TMTC2: variants seen among roughly 807,000 people sequenced by gnomAD.
TMTC2 encodes transmembrane O-mannosyltransferase targeting cadherins 2, also known as protein O-mannosyl-transferase TMTC2.
In TMTC2, 43 loss-of-function variants were observed where a neutral mutation model predicts 82.4. The ratio of observed to expected loss-of-function variants is 0.52; its 90% CI spans 0.41 to 0.67. TMTC2 has a LOEUF of 0.67. Ranked by LOEUF, TMTC2 falls within the 30% of genes least tolerant of loss-of-function variation. The probability of loss-of-function intolerance (pLI) is 0.00; values close to 1 mark genes in which losing one functional copy is unlikely to be tolerated. For missense variants in TMTC2, 919 were observed against 1,012.4 expected (o/e 0.91, Z 1.25); for synonymous variants, 408 against 381.9 (o/e 1.07, Z -0.80).
intron 9 of TMTC2, among the ~76,000 whole-genome samples, chr12:83,041,481 G>A (rs10466961): frequency 0.095 from 14,426 of 151,990 alleles, 1,728 homozygotes; most frequent in African/African-American, 0.27. Flanking sequence ...GTGACAATGG[G>A]CATTTATTAT....
At chr12:82,730,334 CACTCCCTATCTTATATAAAAA>C (rs1487546103) in intron 1 of TMTC2, among the ~76,000 whole-genome samples, 1 of 149,692 alleles carries the variant, frequency 6.7e-6, no homozygotes, top group Non-Finnish European at 1.5e-5. Flanking sequence ...CTACCTCATC[CACTCCCTATCTTATATAAAAA>C]ACAACCACTT....
chr12:82,947,245 C>A (rs1353512130), intron 4 of TMTC2, among the ~76,000 whole-genome samples: 1 of 152,122 alleles, frequency 6.6e-6, no homozygotes, highest in East Asian at 1.9e-4. Context: ...TCTTCAAAGA[C>A]CAACTTTAGT....
chr12:83,070,199 T>C lies in TMTC2; in HGVS notation c.2331+8368T>C, dbSNP rs561236774. Among the ~76,000 whole-genome samples, 4 of 152,286 alleles carry C rather than the reference T, an allele frequency of 2.6e-5. No individual in the cohort carries two copies. In the South Asian group the frequency reaches 6.2e-4, roughly 24 times the overall value. On this transcript the variant is annotated intron_variant, in intron 11 of 11. Transcript: ENST00000321196. ...TTTTGGTTCCCTATGAATTTTAGAATTGTTTATTTCTAATTCTGTGAAGAA... is the reference window on the plus strand; with the variant it reads ...TTTTGGTTCCCTATGAATTTTAGAACTGTTTATTTCTAATTCTGTGAAGAA...
intron 1 of TMTC2, among the ~76,000 whole-genome samples, chr12:82,697,721 T>C (rs1872878686): frequency 6.6e-6 from 1 of 152,230 alleles, no homozygotes; most frequent in Admixed American, 6.5e-5. Flanking sequence ...CTTTGTAAGA[T>C]GACTGTGGGG....
At chr12:83,069,450 A>G (rs1331504730) in intron 11 of TMTC2, among the ~76,000 whole-genome samples, 1 of 152,146 alleles carries the variant, frequency 6.6e-6, no homozygotes, top group African/African-American at 2.4e-5. Flanking sequence ...ATCATTAATG[A>G]TGTTGAGCAT....
chr12:83,013,219 A>G (rs558053445), intron 8 of TMTC2, among the ~76,000 whole-genome samples: 2 of 152,272 alleles, frequency 1.3e-5, no homozygotes, highest in Admixed American at 6.5e-5. Context: ...TTTAATAATG[A>G]TATTGTAGAT....
intron 2 of TMTC2, among the ~76,000 whole-genome samples, chr12:82,882,154 T>C (rs866496866): frequency 1.1e-4 from 17 of 149,722 alleles, no homozygotes; most frequent in South Asian, 4.2e-4. Flanking sequence ...CGCCCGCCAC[T>C]ACGCCCAGCT....
At chr12:82,842,844 A>G (rs1411265765) in intron 1 of TMTC2, among the ~76,000 whole-genome samples, 2 of 152,084 alleles carry the variant, frequency 1.3e-5, no homozygotes, top group Non-Finnish European at 2.9e-5. Flanking sequence ...TTTCTTGGAC[A>G]CCAGTCATGT....
chr12:82,950,594 C>T (rs1160778814), intron 4 of TMTC2, among the ~76,000 whole-genome samples: 2 of 152,110 alleles, frequency 1.3e-5, no homozygotes, highest in Non-Finnish European at 2.9e-5. Context: ...AGTTGTAAAG[C>T]GTCTTATTCA....
At chr12:82,882,369 CTA>C (rs959640279) in intron 2 of TMTC2, among the ~76,000 whole-genome samples, 6 of 152,154 alleles carry the variant, frequency 3.9e-5, no homozygotes, top group African/African-American at 1.4e-4. Flanking sequence ...ACATATCTTT[CTA>C]TATCAAAGGG....
At chr12:83,057,390 A>T (rs930210611) in intron 10 of TMTC2, among the ~76,000 whole-genome samples, 1 of 151,906 alleles carries the variant, frequency 6.6e-6, no homozygotes, top group African/African-American at 2.4e-5. Flanking sequence ...AGCCATTTTC[A>T]GTGTCTTGAC....
chr12:82,891,701 T>A (rs1356068839), intron 2 of TMTC2, among the ~76,000 whole-genome samples: 24 of 152,000 alleles, frequency 1.6e-4, no homozygotes, highest in South Asian at 6.2e-4. Context: ...TTTTAATTTT[T>A]ATTTTTATTT....
chr12:82,922,072 A>C (rs1468723389), intron 3 of TMTC2, among the ~76,000 whole-genome samples: 1 of 151,936 alleles, frequency 6.6e-6, no homozygotes, highest in Non-Finnish European at 1.5e-5. Flanking sequence ...ATGCCACTGC[A>C]CTCCAGCCTG....
At chr12:82,791,566 C>T (rs1469907811) in intron 1 of TMTC2, among the ~76,000 whole-genome samples, 1 of 152,118 alleles carries the variant, frequency 6.6e-6, no homozygotes, top group African/African-American at 2.4e-5. Context: ...AACTCCACTG[C>T]AAGATAACTT....
chr12:82,690,038 C>T (rs1348771663), intron 1 of TMTC2, among the ~76,000 whole-genome samples: 1 of 152,166 alleles, frequency 6.6e-6, no homozygotes, highest in African/African-American at 2.4e-5. Context: ...AATTATGAGA[C>T]ACATAAATAG....
chr12:82,995,240 A>C (rs1879565517), intron 8 of TMTC2, among the ~76,000 whole-genome samples: 1 of 152,126 alleles, frequency 6.6e-6, no homozygotes, highest in South Asian at 2.1e-4. Flanking sequence ...GACAATATAC[A>C]TTTTTAGAAA....
intron 1 of TMTC2, among the ~76,000 whole-genome samples, chr12:82,722,265 T>C (rs1874239451): frequency 6.6e-6 from 1 of 151,876 alleles, no homozygotes; most frequent in Non-Finnish European, 1.5e-5. Flanking sequence ...ATTTAAATAC[T>C]AATGTGAGGT....
chr12:82,705,415 G>A (rs1353413288), intron 1 of TMTC2, among the ~76,000 whole-genome samples: 1 of 152,208 alleles, frequency 6.6e-6, no homozygotes, highest in Admixed American at 6.5e-5. Flanking sequence ...GAACATTGTA[G>A]ATTGTTTTGT....
chr12:82,940,344 A>C (rs539421939), intron 4 of TMTC2, among the ~76,000 whole-genome samples: 2 of 151,908 alleles, frequency 1.3e-5, no homozygotes, highest in Non-Finnish European at 2.9e-5. Flanking sequence ...CATTTCTTTC[A>C]ATTTTCAAGA....
Sources: allele counts gnomAD v4.1 joint callset (sites outside exome capture counted in the v4.1 genomes callset), GRCh38; gene constraint gnomAD v4.1.1; transcripts MANE v1.5; gene names NCBI Gene and HGNC (gene_info 2026-07-23, HGNC 2026-07-21).